Variants in PLEKHA7 observed in about 807,000 individuals in gnomAD.
PLEKHA7 encodes the protein pleckstrin homology domain-containing family A member 7.
In PLEKHA7, 104 loss-of-function variants were observed where a neutral mutation model predicts 170.0. The ratio of observed to expected loss-of-function variants is 0.61; its 90% confidence interval spans 0.52 to 0.72. The LOEUF is 0.72. Among genes scored for constraint, PLEKHA7 ranks in the 30% least tolerant of loss-of-function variants. The pLI, the probability that PLEKHA7 is intolerant of heterozygous loss-of-function variation, is 0.00. For missense variants in PLEKHA7, 1,615 were observed against 1,671.7 expected, an observed-to-expected ratio of 0.97 and a Z score of 0.59; for synonymous variants, 648 against 660.8, an observed-to-expected ratio of 0.98 and a Z score of 0.30.
At position 16,791,239 on chromosome 11, in the gene PLEKHA7, G is replaced by A. The variant is rs1159182728; in HGVS notation, c.2746-40C>T. On this transcript the variant is annotated intron_variant, in intron 19 of 26. Coordinates refer to ENST00000531066, the MANE Select transcript of PLEKHA7 (RefSeq NM_001329630.2). This position sits in a 1 kb window ranked among gnomAD's most constrained non-coding sequence, Gnocchi z 4.5. ...AACCAGACCAGTGGTCAGCGAGACG[G>A]AGCTGGAGGGAGGACTGCTAGGTAC... is the stretch of plus-strand genomic sequence containing the variant. 1.3e-6 allele frequency: 2 copies of A among 1,531,534 alleles called. No individual in the cohort carries two copies. The highest frequency in any genetic ancestry group is 2.5e-5 in the South Asian group (2 of 78,714). 94.9% of individuals were successfully genotyped at this position (1,531,534 alleles called of 1,614,324 possible).
intron 3 of PLEKHA7, among the ~76,000 whole-genome samples, chr11:16,900,185 T>A (rs1857242745): frequency 6.6e-6 from 1 of 152,142 alleles, no homozygotes; most frequent in Admixed American, 6.5e-5. Context: ...AATGGGAAAA[T>A]AACTCTACAC....
chr11:16,829,057 C>T (rs937830383), intron 9 of PLEKHA7, among the ~76,000 whole-genome samples: 2 of 151,702 alleles, frequency 1.3e-5, no homozygotes, highest in Non-Finnish European at 2.9e-5. Flanking sequence ...GGCTGGAGTG[C>T]GGTGGCAATG....
intron 9 of PLEKHA7, among the ~76,000 whole-genome samples, chr11:16,841,162 AC>A (rs1851924529): frequency 6.6e-6 from 1 of 152,214 alleles, no homozygotes; most frequent in South Asian, 2.1e-4. Flanking sequence ...GCTTGGTTGA[AC>A]TATTTCAGAG....
intron 8 of PLEKHA7, among the ~76,000 whole-genome samples, chr11:16,846,495 T>A (rs891562812): frequency 2.6e-5 from 4 of 152,176 alleles, no homozygotes; most frequent in Non-Finnish European, 5.9e-5. Context: ...AACCTCCTCA[T>A]GCTTGTTTCC....
At chr11:16,924,702 A>C (rs1481045299) in intron 3 of PLEKHA7, among the ~76,000 whole-genome samples, 1 of 152,144 alleles carries the variant, frequency 6.6e-6, no homozygotes, top group East Asian at 1.9e-4. Flanking sequence ...CTAGGGAAAT[A>C]GACTGCAACA....
chr11:16,801,137 G>A (rs1218431555), intron 16 of PLEKHA7, 62 bp from the exon 17 acceptor site: 26 of 1,400,220 alleles, frequency 1.9e-5, no homozygotes, highest in Middle Eastern at 1.8e-4. Flanking sequence ...AAGGCCTCAC[G>A]AACACCTGTA....
intron 3 of PLEKHA7, among the ~76,000 whole-genome samples, chr11:16,897,070 A>C (rs796994447): frequency 2.0e-5 from 3 of 152,296 alleles, no homozygotes; most frequent in African/African-American, 7.2e-5. Flanking sequence ...ACATATATAT[A>C]ACGCCCTGAC....
chr11:16,897,293 G>T (rs1019030180), intron 3 of PLEKHA7, among the ~76,000 whole-genome samples: 1 of 152,186 alleles, frequency 6.6e-6, no homozygotes, highest in East Asian at 1.9e-4. Flanking sequence ...ACATCCAGGT[G>T]GGGGCGAGAG....
At chr11:16,793,783 C>A (rs540625777) in intron 19 of PLEKHA7, among the ~76,000 whole-genome samples, 1 of 152,210 alleles carries the variant, frequency 6.6e-6, no homozygotes, top group African/African-American at 2.4e-5. Flanking sequence ...CTATGCCAGG[C>A]AAACCAAGGT....
intron 10 of PLEKHA7, among the ~76,000 whole-genome samples, chr11:16,818,588 A>G (rs1289040451): frequency 6.6e-6 from 1 of 152,098 alleles, no homozygotes; most frequent in Non-Finnish European, 1.5e-5. Context: ...TCCTATATTG[A>G]TGTGATCTTT....
intron 3 of PLEKHA7, among the ~76,000 whole-genome samples, chr11:16,938,856 T>C (rs141560349): frequency 5.9e-5 from 9 of 152,328 alleles, no homozygotes; most frequent in African/African-American, 2.2e-4. Context: ...TTGTAAATAA[T>C]AATCAGACAC....
rs186591925 is a variant in PLEKHA7 at position 16,834,638 on chromosome 11, G to A, written c.872+6909C>T. ...CCTGCCTGAGTCACTTCTCAGTTTTGTAAGCTGTAAATGCCAAATAACCTC... is the reference window on the plus strand; with the variant it reads ...CCTGCCTGAGTCACTTCTCAGTTTTATAAGCTGTAAATGCCAAATAACCTC... On this transcript the variant is annotated intron_variant, in intron 9 of 26. Coordinates refer to ENST00000531066, the MANE Select transcript of PLEKHA7 (RefSeq NM_001329630.2). Among the ~76,000 whole-genome samples, 611 of 152,330 alleles carry A rather than the reference G, an allele frequency of 4.0e-3. 1 individual carries two copies. Among genetic ancestry groups the A allele is most frequent in the African/African-American group, 0.013 (559 of 41,574 alleles).
intron 3 of PLEKHA7, among the ~76,000 whole-genome samples, chr11:16,937,834 C>T (rs542474130): frequency 9.6e-4 from 146 of 152,148 alleles, no homozygotes; most frequent in Non-Finnish European, 1.6e-3. Context: ...TCTTGAACTC[C>T]CGACCTCAGG....
intron 6 of PLEKHA7, among the ~76,000 whole-genome samples, chr11:16,854,260 T>G (rs1400643255): frequency 6.6e-6 from 1 of 152,166 alleles, no homozygotes; most frequent in African/African-American, 2.4e-5. Flanking sequence ...GGGATTCCAA[T>G]GAAGAATGGC....
intron 3 of PLEKHA7, among the ~76,000 whole-genome samples, chr11:16,908,279 G>GA (rs35715580): frequency 0.29 from 40,817 of 141,100 alleles, 6,473 homozygotes; most frequent in Non-Finnish European, 0.37. Flanking sequence ...AAGAAAATTG[G>GA]AAAAAAAAAA....
At chr11:16,881,231 C>G (rs1228947310) in intron 3 of PLEKHA7, 1 of 152,180 alleles carries the variant, frequency 6.6e-6, no homozygotes, top group African/African-American at 2.4e-5. Flanking sequence ...GAAACCAGTA[C>G]AGGACTAACC....
At chr11:16,951,339 G>A (rs1861392741) in intron 3 of PLEKHA7, among the ~76,000 whole-genome samples, 1 of 152,112 alleles carries the variant, frequency 6.6e-6, no homozygotes, top group Non-Finnish European at 1.5e-5. Flanking sequence ...CAGTCTAAGA[G>A]GGGAGACATC....
intron 3 of PLEKHA7, among the ~76,000 whole-genome samples, chr11:16,940,119 T>C (rs909364452): frequency 1.3e-5 from 2 of 152,156 alleles, no homozygotes; most frequent in Non-Finnish European, 2.9e-5. Context: ...CTATCTCCCC[T>C]ACTGGGCTGT....
chr11:16,806,845 G>A (rs1049904860), intron 13 of PLEKHA7, among the ~76,000 whole-genome samples: 1 of 152,164 alleles, frequency 6.6e-6, no homozygotes, highest in African/African-American at 2.4e-5. Flanking sequence ...GTGAGCCCTC[G>A]CCATGGAGGC....
Sources: allele counts gnomAD v4.1 joint callset (sites outside exome capture counted in the v4.1 genomes callset), GRCh38; gene constraint gnomAD v4.1.1; non-coding constraint Gnocchi (gnomAD v3.1); transcripts MANE v1.5; gene names NCBI Gene and HGNC (gene_info 2026-07-23, HGNC 2026-07-21).